The following TRERF1 variants were observed in gnomAD, a reference collection of about 807,000 sequenced individuals.
The protein encoded by TRERF1 is transcriptional-regulating factor 1.
Under a neutral mutation model 122.9 loss-of-function variants are expected in TRERF1, and 27 were observed. The observed-to-expected ratio is 0.22, with a 90% CI of 0.16 to 0.30. TRERF1 has a LOEUF of 0.30. Ranked by LOEUF, TRERF1 falls within the 10% of genes least tolerant of loss-of-function variation. TRERF1 has a pLI of 1.00. For missense variants in TRERF1, 1,248 were observed against 1,560.3 expected (o/e 0.80, Z 3.37); for synonymous variants, 636 against 641.7 (o/e 0.99, Z 0.13).
At position 42,263,309 on chromosome 6, in the gene TRERF1, G is replaced by A. The variant is rs765972174; in HGVS notation, c.1884+11C>T. 1.2e-6 allele frequency: 2 copies of A among 1,607,084 alleles called. No homozygotes were observed. The highest frequency in any genetic ancestry group is 3.4e-5 in the Admixed American group (2 of 59,376). On this transcript the variant is annotated intron_variant, in intron 8 of 17. Coordinates refer to ENST00000372922, the Ensembl canonical transcript of TRERF1. The surrounding 1 kb of genome is among the most constrained non-coding windows in gnomAD (Gnocchi z 5.6). The stretch of plus-strand genomic sequence containing the variant: ...TTGGGGTGAGTGTGGGGGAGAGAGG[G>A]TCATCCTCACGAGCACAGGCATCTC...
In TRERF1 at chr6:42,228,181, TA is replaced by T; in HGVS notation, c.*163del. 3.1e-6 allele frequency: 2 copies of T among 635,680 alleles called. No homozygotes were observed. Among genetic ancestry groups the T allele is most frequent in the Non-Finnish European group, 2.4e-6 (1 of 411,492 alleles). 39.4% of individuals were successfully genotyped at this position (635,680 alleles called of 1,614,324 possible). ...CCCCACAAAAACAAATTTTTTTAAATAAAAGGAAAAGAAATAGGATTTTTTT... is the reference window on the plus strand; with the variant it reads ...CCCCACAAAAACAAATTTTTTTAAATAAAGGAAAAGAAATAGGATTTTTTT... On this transcript the variant is annotated 3_prime_UTR_variant, in exon 18 of 18. Transcript: ENST00000372922. This position sits in a 1 kb window ranked among gnomAD's most constrained non-coding sequence, Gnocchi z 4.2.
chr6:42,285,824 C>A (rs949523767), intron 4 of TRERF1, among the ~76,000 whole-genome samples: 2 of 151,402 alleles, frequency 1.3e-5, no homozygotes, highest in Admixed American at 6.6e-5. Context: ...AAAAAGAGCC[C>A]GCATCGCCAA....
Position 42,318,328 on chromosome 6 carries a change from G to C in TRERF1, c.-370-17579C>G, listed in dbSNP as rs1440378925. Among the ~76,000 whole-genome samples, 3 of 152,302 alleles carry C rather than the reference G, an allele frequency of 2.0e-5. No individual in the cohort carries two copies. The East Asian group carries it at 5.8e-4, about 29-fold the overall frequency. Reference sequence around the variant, plus strand: ...AGGAAATTTCTGAGCACTTAATAATGAGTGCCAGGCACTCTACCCCTACCA... The same window carrying C: ...AGGAAATTTCTGAGCACTTAATAATCAGTGCCAGGCACTCTACCCCTACCA... On this transcript the variant is annotated intron_variant, in intron 3 of 17. Coordinates refer to ENST00000372922, the Ensembl canonical transcript of TRERF1.
chr6:42,326,925 A>G (rs1255355630), intron 3 of TRERF1, among the ~76,000 whole-genome samples: 1 of 152,164 alleles, frequency 6.6e-6, no homozygotes, highest in Non-Finnish European at 1.5e-5. Context: ...AACCACTTCC[A>G]ATCATACGGG....
chr6:42,292,010 G>A (rs185399410), intron 4 of TRERF1, among the ~76,000 whole-genome samples: 1 of 152,116 alleles, frequency 6.6e-6, no homozygotes, highest in African/African-American at 2.4e-5. Context: ...CCTCCAGCAG[G>A]CCTATCTAAC....
chr6:42,232,646 G>C lies in TRERF1; in HGVS notation c.3278+35C>G, dbSNP rs747768477. On this transcript the variant is annotated intron_variant, in intron 17 of 17. Transcript: ENST00000372922. This position sits in a 1 kb window ranked among gnomAD's most constrained non-coding sequence, Gnocchi z 4.5. ...CTCCCATAGAGCGACTACCCATCAT[G>C]AACTCAGATTCAGTCCCCGGTCCCC... The C allele has an allele frequency of 2.1e-5, 33 of 1,544,350 alleles. No homozygotes were observed. Among genetic ancestry groups the C allele is most frequent in the Non-Finnish European group, 2.7e-5 (31 of 1,138,920 alleles).
At chr6:42,249,181 A>G (rs1458254392) in intron 13 of TRERF1, among the ~76,000 whole-genome samples, 2 of 152,286 alleles carry the variant, frequency 1.3e-5, no homozygotes, top group African/African-American at 4.8e-5. Context: ...CCGATGGGGA[A>G]TCAGGGGACA....
At chr6:42,445,799 C>G (rs1323199838) in intron 2 of TRERF1, among the ~76,000 whole-genome samples, 1 of 152,208 alleles carries the variant, frequency 6.6e-6, no homozygotes, top group Non-Finnish European at 1.5e-5. Context: ...TCCTCCTCCA[C>G]CTGCCTCTTT....
intron 2 of TRERF1, among the ~76,000 whole-genome samples, chr6:42,427,263 G>A (rs1783762801): frequency 6.6e-6 from 1 of 152,158 alleles, no homozygotes; most frequent in Non-Finnish European, 1.5e-5. Context: ...TTTATTGTTT[G>A]TTAAATTTTG....
chr6:42,315,717 C>CAA (rs139480413), intron 3 of TRERF1, among the ~76,000 whole-genome samples: 2 of 145,064 alleles, frequency 1.4e-5, no homozygotes, highest in Admixed American at 1.4e-4. Context: ...CCCCCCCCCC[C>CAA]ACCCACTGCC....
In TRERF1 at chr6:42,317,670, A is replaced by C. The variant is rs185141402; in HGVS notation, c.-370-16921T>G. On this transcript the variant is annotated intron_variant, in intron 3 of 17. Coordinates refer to ENST00000372922, the Ensembl canonical transcript of TRERF1. ...AGACCTCAATAATTTTTAAAATAAC[A>C]GTCTTCTCCACATCTAAAACATGTT... 2.0e-5 allele frequency among the ~76,000 whole-genome samples: 3 copies of C among 152,224 alleles called. No homozygotes were observed. The East Asian group carries it at 5.8e-4, about 29-fold the overall frequency.
chr6:42,329,987 T>G (rs1764980064), intron 3 of TRERF1, among the ~76,000 whole-genome samples: 1 of 151,866 alleles, frequency 6.6e-6, no homozygotes, highest in Non-Finnish European at 1.5e-5. Flanking sequence ...AGACTCTGTC[T>G]TGGGGGAAAA....
At chr6:42,233,924 G>A (rs1055357203) in intron 16 of TRERF1, among the ~76,000 whole-genome samples, 1 of 152,144 alleles carries the variant, frequency 6.6e-6, no homozygotes, top group African/African-American at 2.4e-5. Context: ...TAATACAGAT[G>A]ATAAAAAGAA....
chr6:42,252,772 C>T (rs944782222), intron 13 of TRERF1, among the ~76,000 whole-genome samples: 4 of 152,210 alleles, frequency 2.6e-5, no homozygotes, highest in African/African-American at 4.8e-5. Context: ...GGTTTTGGGT[C>T]AGACTTCAGA....
intron 4 of TRERF1, among the ~76,000 whole-genome samples, chr6:42,270,130 G>GAGTTATGACTGCACCA (rs1192736991): frequency 6.6e-6 from 1 of 152,166 alleles, no homozygotes; most frequent in Non-Finnish European, 1.5e-5. Flanking sequence ...AGGCTGCACT[G>GAGTTATGACTGCACCA]AGTTATGACT....
intron 2 of TRERF1, among the ~76,000 whole-genome samples, chr6:42,392,579 G>A (rs1457394416): frequency 6.6e-6 from 1 of 152,184 alleles, no homozygotes; most frequent in Admixed American, 6.5e-5. Flanking sequence ...ATCATTAAGA[G>A]AGGCCTGAGC....
exon 12 of TRERF1, chr6:42,256,758 G>A: frequency 2.5e-6 from 4 of 1,614,236 alleles, no homozygotes; most frequent in Non-Finnish European, 3.4e-6. Context: ...CAAACAGAGA[G>A]TGCAAAGCAA....
Position 42,268,641 on chromosome 6 carries a change from CGCTGCTGCAGCTGTA to C in TRERF1, c.935_949del (p.Leu312_Gln316del), listed in dbSNP as rs780500340. ...CTGAGGTATCTGCATTGAACCCTGCCGCTGCTGCAGCTGTAGCTGCTGCGGCTGCTGCTGCTGTGG... is the reference window on the plus strand; with the variant it reads ...CTGAGGTATCTGCATTGAACCCTGCCGCTGCTGCGGCTGCTGCTGCTGTGG... On this transcript the variant is annotated inframe_deletion, in exon 5 of 18. Transcript: ENST00000372922. The surrounding 1 kb of genome is among the most constrained non-coding windows in gnomAD (Gnocchi z 4.4). 2.5e-6 allele frequency: 4 copies of C among 1,614,122 alleles called. No individual in the cohort carries two copies. Among genetic ancestry groups the C allele is most frequent in the Non-Finnish European group, 2.5e-6 (3 of 1,180,002 alleles).
intron 12 of TRERF1, among the ~76,000 whole-genome samples, chr6:42,256,109 C>A (rs1419656601): frequency 1.5e-5 from 2 of 129,382 alleles, no homozygotes; most frequent in Non-Finnish European, 3.1e-5. Context: ...CCAGCCTGGG[C>A]GATAGAGTGA....
Sources: allele counts gnomAD v4.1 joint callset (sites outside exome capture counted in the v4.1 genomes callset), GRCh38; gene constraint gnomAD v4.1.1; non-coding constraint Gnocchi (gnomAD v3.1); transcripts MANE v1.5; gene names NCBI Gene and HGNC (gene_info 2026-07-23, HGNC 2026-07-21).